KHDRBS2: variants seen among roughly 807,000 people sequenced by gnomAD.
KHDRBS2 encodes the protein KH domain-containing, RNA-binding, signal transduction-associated protein 2.
Under a neutral mutation model 44.3 loss-of-function variants are expected in KHDRBS2, and 26 were observed. That is an observed-to-expected ratio of 0.59 (90% CI 0.43 to 0.81). The LOEUF is 0.81. Ranked by LOEUF, KHDRBS2 falls within the 40% of genes least tolerant of loss-of-function variation. The probability of loss-of-function intolerance (pLI) is 0.00; values close to 1 mark genes in which losing one functional copy is unlikely to be tolerated. For synonymous variants in KHDRBS2, 194 were observed against 151.1 expected (o/e 1.28, Z -2.08); for missense variants, 476 against 433.1 (o/e 1.10, Z -0.88).
At chr6:61,957,893 G>A (rs1447244882) in intron 4 of KHDRBS2, among the ~76,000 whole-genome samples, 2 of 152,074 alleles carry the variant, frequency 1.3e-5, no homozygotes, top group Admixed American at 1.3e-4. Context: ...CTGCTGACAT[G>A]TGATGTTTCC....
chr6:61,740,941 G>A (rs567851198), intron 6 of KHDRBS2, among the ~76,000 whole-genome samples: 1 of 151,788 alleles, frequency 6.6e-6, no homozygotes, highest in South Asian at 2.1e-4. Context: ...TGTCCACTGA[G>A]AAGACAAACT....
At chr6:61,698,634 T>G (rs2127544592) in intron 7 of KHDRBS2, among the ~76,000 whole-genome samples, 1 of 152,172 alleles carries the variant, frequency 6.6e-6, no homozygotes, top group African/African-American at 2.4e-5. Flanking sequence ...CCCCATAGTC[T>G]TTAGGAGAAA....
chr6:62,132,977 A>G (rs976352194), intron 2 of KHDRBS2, among the ~76,000 whole-genome samples: 1 of 152,230 alleles, frequency 6.6e-6, no homozygotes, highest in African/African-American at 2.4e-5. Context: ...GCCACATAGT[A>G]AAGTATTTTG....
At position 61,842,087 on chromosome 6, in the gene KHDRBS2, A is replaced by G. The variant is rs143452058; in HGVS notation, c.810+52548T>C. 4.5e-4 allele frequency among the ~76,000 whole-genome samples: 69 copies of G among 152,298 alleles called. No homozygotes were observed. The East Asian group carries it at 0.011, about 25-fold the overall frequency. Reference sequence around the variant, plus strand: ...CTCACTCTATGTGTTCTTGGCTTCTATGACATCTGAAATTGCTGCCTTATT... The same window carrying G: ...CTCACTCTATGTGTTCTTGGCTTCTGTGACATCTGAAATTGCTGCCTTATT... On this transcript the variant is annotated intron_variant, in intron 6 of 8. Transcript: ENST00000281156.
At position 62,139,059 on chromosome 6, in the gene KHDRBS2, T is replaced by A. The variant is rs149996791; in HGVS notation, c.219+38126A>T. On this transcript the variant is annotated intron_variant, in intron 2 of 8. Transcript: ENST00000281156. ...GTAGTGCTGAAAACAAATTGCTTGA[T>A]TTTTTTTTTAGATGGAAAACAATTT... 2.5e-3 allele frequency among the ~76,000 whole-genome samples: 375 copies of A among 149,046 alleles called. 3 individuals carry two copies. Among genetic ancestry groups the A allele is most frequent in the African/African-American group, 8.4e-3 (343 of 40,860 alleles).
At chr6:62,134,634 C>G (rs1212533206) in intron 2 of KHDRBS2, among the ~76,000 whole-genome samples, 1 of 152,128 alleles carries the variant, frequency 6.6e-6, no homozygotes, top group Non-Finnish European at 1.5e-5. Context: ...ACACTCAATG[C>G]CAGCCTGTGA....
the KHDRBS2 span, among the ~76,000 whole-genome samples, chr6:61,550,667 A>C: frequency 1 from 152,013 of 152,244 alleles, 75,891 homozygotes; most frequent in Middle Eastern, 1. Flanking sequence ...TACATTCCCA[A>C]GAGCAGCATA....
At chr6:61,566,460 G>A in the KHDRBS2 span, among the ~76,000 whole-genome samples, 2 of 152,086 alleles carry the variant, frequency 1.3e-5, no homozygotes, top group Non-Finnish European at 2.9e-5. Context: ...ACCCTGATTT[G>A]ATCATTACAC....
At chr6:62,096,293 T>A (rs896465783) in intron 2 of KHDRBS2, among the ~76,000 whole-genome samples, 42 of 151,962 alleles carry the variant, frequency 2.8e-4, no homozygotes, top group African/African-American at 9.2e-4. Context: ...AATTTGAGAA[T>A]AATTGATACC....
At chr6:61,798,333 G>A (rs955164483) in intron 6 of KHDRBS2, among the ~76,000 whole-genome samples, 1 of 152,032 alleles carries the variant, frequency 6.6e-6, no homozygotes, top group African/African-American at 2.4e-5. Context: ...TCACTTCCAT[G>A]CTCAAAAGCC....
the KHDRBS2 span, among the ~76,000 whole-genome samples, chr6:61,666,125 T>C: frequency 2.0e-5 from 3 of 151,342 alleles, no homozygotes; most frequent in Non-Finnish European, 3.0e-5. Context: ...CATAGCATTA[T>C]TTTGAGAAAG....
intron 6 of KHDRBS2, among the ~76,000 whole-genome samples, chr6:61,804,728 C>G (rs1786858271): frequency 6.6e-6 from 1 of 152,216 alleles, no homozygotes; most frequent in South Asian, 2.1e-4. Flanking sequence ...TCTGAAGCAA[C>G]AGTCTGACCT....
At chr6:61,833,435 C>T (rs1271267767) in intron 6 of KHDRBS2, among the ~76,000 whole-genome samples, 1 of 152,152 alleles carries the variant, frequency 6.6e-6, no homozygotes, top group Non-Finnish European at 1.5e-5. Context: ...TTCACACATT[C>T]TGGAAGAGTT....
intron 4 of KHDRBS2, among the ~76,000 whole-genome samples, chr6:61,970,569 G>A (rs1183894349): frequency 6.6e-6 from 1 of 152,132 alleles, no homozygotes; most frequent in Non-Finnish European, 1.5e-5. Flanking sequence ...ACACTTCACT[G>A]TGAGAACTCT....
intron 1 of KHDRBS2, among the ~76,000 whole-genome samples, chr6:62,186,217 A>T (rs560833074): frequency 1.3e-5 from 2 of 152,182 alleles, no homozygotes; most frequent in South Asian, 4.1e-4. Context: ...TAGTTTACTT[A>T]AGTTTTCTGC....
chr6:61,954,899 CAT>C lies in KHDRBS2; in HGVS notation c.483+23165_483+23166del, dbSNP rs1181755424. On this transcript the variant is annotated intron_variant, in intron 4 of 8. Coordinates refer to ENST00000281156, the MANE Select transcript of KHDRBS2 (RefSeq NM_152688.4). The stretch of plus-strand genomic sequence containing the variant: ...GTGTATATATGTATATATACACATA[CAT>C]ATGTGTGCATACATATATATGTATA... Among the ~76,000 whole-genome samples the C allele has an allele frequency of 5.6e-5, 8 of 142,690 alleles. 2 individuals carry two copies. The highest frequency in any genetic ancestry group is 1.4e-4 in the Admixed American group (2 of 14,358). The allele number at this position is 142,690 out of a possible 152,430, so 93.6% of individuals were successfully genotyped here. A position where few individuals can be genotyped will look rare whatever the true frequency, so the allele number is the denominator to read the frequency against.
chr6:62,282,641 A>G (rs1267139881), intron 1 of KHDRBS2, among the ~76,000 whole-genome samples: 1 of 152,186 alleles, frequency 6.6e-6, no homozygotes, highest in Non-Finnish European at 1.5e-5. Flanking sequence ...ACTTAAGAAC[A>G]TAAATCTGTC....
At chr6:62,199,631 C>A (rs1442681865) in intron 1 of KHDRBS2, among the ~76,000 whole-genome samples, 23 of 152,162 alleles carry the variant, frequency 1.5e-4, no homozygotes, top group East Asian at 3.9e-4. Flanking sequence ...GGTAGGAAGA[C>A]TCAATATCGT....
At chr6:61,765,442 C>T (rs572323913) in intron 6 of KHDRBS2, among the ~76,000 whole-genome samples, 2 of 151,922 alleles carry the variant, frequency 1.3e-5, no homozygotes, top group African/African-American at 4.8e-5. Flanking sequence ...CAAAGCAAGA[C>T]CTGGTAAAAA....
Sources: allele counts gnomAD v4.1 joint callset (sites outside exome capture counted in the v4.1 genomes callset), GRCh38; gene constraint gnomAD v4.1.1; transcripts MANE v1.5; gene names NCBI Gene and HGNC (gene_info 2026-07-23, HGNC 2026-07-21).